Variants in ZNF831 observed in about 807,000 individuals in gnomAD.
ZNF831 encodes the protein zinc finger protein 831, also known as chromosome 20 open reading frame 174.
In ZNF831, 59 loss-of-function variants were observed where a neutral mutation model predicts 95.8. The observed-to-expected ratio is 0.62, with a 90% CI of 0.50 to 0.77. The LOEUF is 0.77. Ranked by LOEUF, ZNF831 falls within the 30% of genes least tolerant of loss-of-function variation. The pLI, the probability that ZNF831 is intolerant of heterozygous loss-of-function variation, is 0.00. For missense variants in ZNF831, 2,205 were observed against 2,164.0 expected, an observed-to-expected ratio of 1.02 and a Z score of -0.38; for synonymous variants, 961 against 925.5, an observed-to-expected ratio of 1.04 and a Z score of -0.70.
intron 4 of ZNF831, among the ~76,000 whole-genome samples, chr20:59,230,253 T>C (rs547398192): frequency 6.6e-6 from 1 of 152,244 alleles, no homozygotes; most frequent in African/African-American, 2.4e-5. Context: ...TCAATACCAT[T>C]GTGGGGAGAA....
chr20:59,227,289 A>G (rs79670718), intron 4 of ZNF831, among the ~76,000 whole-genome samples: 1 of 152,334 alleles, frequency 6.6e-6, no homozygotes, highest in East Asian at 1.9e-4. Context: ...GAGCCTTTGT[A>G]TGAATTTGAT....
At chr20:59,216,196 C>T (rs8120397) in intron 4 of ZNF831, among the ~76,000 whole-genome samples, 168 of 152,316 alleles carry the variant, frequency 1.1e-3, no homozygotes, top group African/African-American at 3.9e-3. Context: ...CAGTAGGATC[C>T]TCATTGGCTT....
Position 59,254,858 on chromosome 20 carries a change from A to G in ZNF831, c.*115A>G, listed in dbSNP as rs1988104994. On this transcript the variant is annotated 3_prime_UTR_variant, in exon 6 of 6. Transcript: ENST00000371030. This position sits in a 1 kb window ranked among gnomAD's most constrained non-coding sequence, Gnocchi z 4.5. ...TCTGTGAAACACCTACAGATTAGGAAAGCCATTTTGAGTTATTTACAAGCC... is the reference window on the plus strand; with the variant it reads ...TCTGTGAAACACCTACAGATTAGGAGAGCCATTTTGAGTTATTTACAAGCC... 1 of 1,429,576 alleles carries G rather than the reference A, an allele frequency of 7.0e-7. No individual in the cohort carries two copies. The highest frequency in any genetic ancestry group is 9.4e-7 in the Non-Finnish European group (1 of 1,067,166). The allele number at this position is 1,429,576 out of a possible 1,614,324, so 88.6% of individuals were successfully genotyped here.
In ZNF831 at chr20:59,208,869, C is replaced by A. The variant is rs1358770153; in HGVS notation, c.4027+1813C>A. ...TCCAACAGAATCAGCCAGAGCTCTG[C>A]CAGTTGCCCCCATGGAGGAGCTTAC... On this transcript the variant is annotated intron_variant, in intron 4 of 5. Coordinates refer to ENST00000371030, the MANE Select transcript of ZNF831 (RefSeq NM_178457.3). This position sits in a 1 kb window ranked among gnomAD's most constrained non-coding sequence, Gnocchi z 4.2. Among the ~76,000 whole-genome samples, 1 of 152,102 alleles carries A rather than the reference C, an allele frequency of 6.6e-6. No individual in the cohort carries two copies. Among genetic ancestry groups the A allele is most frequent in the Non-Finnish European group, 1.5e-5 (1 of 68,010 alleles).
At chr20:59,181,887 C>A (rs116954015) in intron 1 of ZNF831, among the ~76,000 whole-genome samples, 5,711 of 151,914 alleles carry the variant, frequency 0.038, 167 homozygotes, top group Non-Finnish European at 0.057. Flanking sequence ...ATTAATTTTT[C>A]CTTTCCATGA....
intron 4 of ZNF831, among the ~76,000 whole-genome samples, chr20:59,219,697 C>A (rs745892099): frequency 1.3e-5 from 2 of 152,160 alleles, no homozygotes; most frequent in Non-Finnish European, 2.9e-5. Flanking sequence ...CTTCTTTCAT[C>A]CCTCGATCAT....
intron 4 of ZNF831, among the ~76,000 whole-genome samples, chr20:59,240,808 T>A (rs555198548): frequency 4.0e-5 from 6 of 151,790 alleles, no homozygotes; most frequent in Admixed American, 1.3e-4. Flanking sequence ...TCTCAAAAAA[T>A]AAATAAATAA....
rs1416937293 is a variant in ZNF831, at chr20:59,258,828, C to G, written c.*4085C>G. Reference sequence around the variant, plus strand: ...TGATTCTTTTCATCCATGCTTTGCACTTACGTAGGAATATACATAATTTGG... The same window carrying G: ...TGATTCTTTTCATCCATGCTTTGCAGTTACGTAGGAATATACATAATTTGG... On this transcript the variant is annotated 3_prime_UTR_variant, in exon 6 of 6. Transcript: ENST00000371030. 1 of 152,152 alleles carries G rather than the reference C, an allele frequency of 6.6e-6. No homozygotes were observed. The highest frequency in any genetic ancestry group is 2.4e-5 in the African/African-American group (1 of 41,432). 9.4% of individuals were successfully genotyped at this position (152,152 alleles called of 1,614,324 possible).
intron 1 of ZNF831, among the ~76,000 whole-genome samples, chr20:59,183,715 A>G (rs1982798384): frequency 6.6e-6 from 1 of 152,198 alleles, no homozygotes; most frequent in South Asian, 2.1e-4. Flanking sequence ...TTTTGATTTA[A>G]AACAATTTTC....
At chr20:59,189,762 C>T (rs73618650) in intron 1 of ZNF831, among the ~76,000 whole-genome samples, 26,345 of 152,224 alleles carry the variant, frequency 0.17, 2,600 homozygotes, top group East Asian at 0.26. Flanking sequence ...CCGCCCGCCT[C>T]GGCCTCCCAA....
At chr20:59,185,422 C>T (rs1315099473) in intron 1 of ZNF831, among the ~76,000 whole-genome samples, 1 of 152,164 alleles carries the variant, frequency 6.6e-6, no homozygotes, top group Non-Finnish European at 1.5e-5. Context: ...AAGCCTCCCA[C>T]CCTATGAGAG....
chr20:59,253,444 C>G (rs185233045), intron 5 of ZNF831, among the ~76,000 whole-genome samples: 1 of 152,266 alleles, frequency 6.6e-6, no homozygotes, highest in South Asian at 2.1e-4. Context: ...GAAGCCCCCC[C>G]AGACAGACTG....
At chr20:59,178,153 G>C (rs1393886580) in intron 1 of ZNF831, among the ~76,000 whole-genome samples, 1 of 152,228 alleles carries the variant, frequency 6.6e-6, no homozygotes, top group African/African-American at 2.4e-5. Flanking sequence ...CTGCTTGAGG[G>C]AACCAGGGCT....
chr20:59,222,058 C>A (rs1407528291), intron 4 of ZNF831, among the ~76,000 whole-genome samples: 1 of 152,258 alleles, frequency 6.6e-6, no homozygotes, highest in East Asian at 1.9e-4. Context: ...GCGACGCCCC[C>A]TCCCTTAACT....
intron 1 of ZNF831, among the ~76,000 whole-genome samples, chr20:59,135,862 T>A (rs944948269): frequency 1.3e-5 from 2 of 152,180 alleles, no homozygotes; most frequent in Non-Finnish European, 1.5e-5. Flanking sequence ...ACCAACCCAA[T>A]ACTTGGGAGG....
intron 4 of ZNF831, among the ~76,000 whole-genome samples, chr20:59,214,746 A>G (rs7264385): frequency 0.18 from 26,768 of 152,202 alleles, 2,579 homozygotes; most frequent in South Asian, 0.25. Flanking sequence ...GCTGCCGAAG[A>G]TTCTCTGTTG....
At position 59,192,271 on chromosome 20, in the gene ZNF831, G is replaced by A. The variant is rs2146562615; in HGVS notation, c.1252G>A (p.Val418Met). The change falls in exon 2 of 6, where the codon GTG becomes ATG. Residue 418 changes from valine (V) to methionine (M), a missense_variant. Val to Met is a conservative substitution (Grantham distance 21). Transcript: ENST00000371030. This position sits in a 1 kb window ranked among gnomAD's most constrained non-coding sequence, Gnocchi z 5.2. ...IAQLISHNQAVVDDAQLDNVR... is the reference protein window; with the variant it reads ...IAQLISHNQAMVDDAQLDNVR... ...CCAGCTCATCTCCCACAACCAGGCG[G>A]TGGTGGACGATGCCCAGCTGGACAA... 6.3e-7 allele frequency: 1 copy of A among 1,591,376 alleles called. No individual in the cohort carries two copies. Among genetic ancestry groups the A allele is most frequent in the Non-Finnish European group, 8.6e-7 (1 of 1,168,798 alleles).
chr20:59,213,533 G>A (rs115875409), intron 4 of ZNF831, among the ~76,000 whole-genome samples: 1 of 152,258 alleles, frequency 6.6e-6, no homozygotes, highest in African/African-American at 2.4e-5. Context: ...CAGGGGCCTA[G>A]CAATGTAGCC....
intron 4 of ZNF831, among the ~76,000 whole-genome samples, chr20:59,223,734 G>A (rs13433319): frequency 0.014 from 2,152 of 152,344 alleles, 51 homozygotes; most frequent in African/African-American, 0.049. Flanking sequence ...AGGCCAGCTG[G>A]CTGGTATTCA....
Sources: allele counts gnomAD v4.1 joint callset (sites outside exome capture counted in the v4.1 genomes callset), GRCh38; gene constraint gnomAD v4.1.1; non-coding constraint Gnocchi (gnomAD v3.1); transcripts MANE v1.5; gene names NCBI Gene and HGNC (gene_info 2026-07-23, HGNC 2026-07-21).